Variants in STK39 observed in about 807,000 individuals in gnomAD.
STK39 encodes serine/threonine kinase 39, also known as STE20/SPS1-related proline-alanine-rich protein kinase.
STK39 carries 20 observed loss-of-function variants against 77.8 expected under a neutral mutation model. The observed-to-expected ratio is 0.26, with a 90% CI of 0.18 to 0.37. The LOEUF is 0.37. Among genes scored for constraint, STK39 ranks in the 10% least tolerant of loss-of-function variants. The pLI, the probability that STK39 is intolerant of heterozygous loss-of-function variation, is 1.00. For missense variants in STK39, 479 were observed against 656.5 expected (o/e 0.73, Z 2.95); for synonymous variants, 246 against 234.1 (o/e 1.05, Z -0.47).
At chr2:168,088,689 T>C (rs1298194148) in intron 10 of STK39, among the ~76,000 whole-genome samples, 2 of 152,176 alleles carry the variant, frequency 1.3e-5, no homozygotes, top group Non-Finnish European at 2.9e-5. Flanking sequence ...TCCACCACTG[T>C]GTAAAAGAAA....
intron 5 of STK39, among the ~76,000 whole-genome samples, chr2:168,145,764 G>A (rs1451282271): frequency 2.6e-5 from 4 of 152,182 alleles, no homozygotes; most frequent in Non-Finnish European, 5.9e-5. Context: ...AATGTCCAGT[G>A]CTGGGGGGGT....
intron 1 of STK39, among the ~76,000 whole-genome samples, chr2:168,239,076 G>T (rs1554239): frequency 0.74 from 112,978 of 152,026 alleles, 43,626 homozygotes; most frequent in Non-Finnish European, 0.86. Flanking sequence ...TCCCTTATAA[G>T]TTATAAAAAT....
At position 168,040,376 on chromosome 2, in the gene STK39, G is replaced by A. The variant is rs148802551; in HGVS notation, c.1376+23124C>T. The stretch of plus-strand genomic sequence containing the variant: ...AATATAAACCCTTAAGTTGAAAAGC[G>A]TCATAGCAGATAAATCACAAAAATT... On this transcript the variant is annotated intron_variant, in intron 14 of 17. Transcript: ENST00000355999. Among the ~76,000 whole-genome samples the A allele has an allele frequency of 6.6e-4, 100 of 152,270 alleles. 3 individuals carry two copies. In the East Asian group the frequency reaches 8.7e-3, roughly 13 times the overall value.
intron 5 of STK39, among the ~76,000 whole-genome samples, chr2:168,160,469 T>TAGCAACAGCAATAGC (rs1559126344): frequency 6.6e-6 from 1 of 151,806 alleles, no homozygotes; most frequent in Non-Finnish European, 1.5e-5. Context: ...GTAGTAATAG[T>TAGCAACAGCAATAGC]AGCAACAGCA....
At chr2:167,970,676 A>G (rs1295080729) in intron 16 of STK39, among the ~76,000 whole-genome samples, 1 of 152,188 alleles carries the variant, frequency 6.6e-6, no homozygotes, top group Non-Finnish European at 1.5e-5. Context: ...GTCCTTGTGG[A>G]TGAACTGCAA....
At chr2:168,120,566 T>C (rs1352729152) in intron 10 of STK39, among the ~76,000 whole-genome samples, 5 of 152,154 alleles carry the variant, frequency 3.3e-5, no homozygotes, top group Admixed American at 3.3e-4. Context: ...GCAGCAGAAA[T>C]GGGAACAGCA....
chr2:168,233,183 C>G (rs1690505260), intron 1 of STK39, among the ~76,000 whole-genome samples: 1 of 152,142 alleles, frequency 6.6e-6, no homozygotes, highest in Non-Finnish European at 1.5e-5. Flanking sequence ...TTCCCTAGTC[C>G]TATTTCAGCC....
At chr2:167,972,175 A>T (rs1176919015) in intron 16 of STK39, among the ~76,000 whole-genome samples, 1 of 152,240 alleles carries the variant, frequency 6.6e-6, no homozygotes, top group Non-Finnish European at 1.5e-5. Flanking sequence ...CAAAAGGGTA[A>T]GAATTTCTTA....
intron 1 of STK39, among the ~76,000 whole-genome samples, chr2:168,197,063 T>A (rs1357804741): frequency 6.6e-6 from 1 of 152,146 alleles, no homozygotes; most frequent in African/African-American, 2.4e-5. Flanking sequence ...GGCTGCTATG[T>A]GTAGATAAGA....
At chr2:168,170,213 A>T (rs6433039) in intron 2 of STK39, among the ~76,000 whole-genome samples, 3 of 151,714 alleles carry the variant, frequency 2.0e-5, no homozygotes, top group South Asian at 4.1e-4. Context: ...GTTATTTGAA[A>T]GCTCCCTTGG....
At chr2:168,231,495 C>A (rs529889245) in intron 1 of STK39, among the ~76,000 whole-genome samples, 1 of 151,900 alleles carries the variant, frequency 6.6e-6, no homozygotes, top group Non-Finnish European at 1.5e-5. Flanking sequence ...TCCCACCACA[C>A]ACCGAAGGTT....
intron 16 of STK39, among the ~76,000 whole-genome samples, chr2:167,972,969 G>T (rs1692391013): frequency 6.6e-6 from 1 of 152,094 alleles, no homozygotes; most frequent in Admixed American, 6.6e-5. Context: ...CCTAGAAACT[G>T]CATGCTTTCC....
chr2:168,091,582 GCAGAAAGAC>G (rs1270926555), intron 10 of STK39, among the ~76,000 whole-genome samples: 5 of 152,352 alleles, frequency 3.3e-5, no homozygotes, highest in African/African-American at 1.2e-4. Context: ...CACCCTATGT[GCAGAAAGAC>G]TGACAGGTGT....
At chr2:168,174,904 T>C (rs1688919014) in intron 2 of STK39, among the ~76,000 whole-genome samples, 1 of 150,902 alleles carries the variant, frequency 6.6e-6, no homozygotes, top group African/African-American at 2.4e-5. Flanking sequence ...GTCAGCCAAA[T>C]TGTACTGCTG....
At chr2:168,225,852 C>G (rs930867243) in intron 1 of STK39, among the ~76,000 whole-genome samples, 1 of 152,150 alleles carries the variant, frequency 6.6e-6, no homozygotes, top group African/African-American at 2.4e-5. Context: ...ACTTCCGATG[C>G]TACACCCTTC....
intron 5 of STK39, among the ~76,000 whole-genome samples, chr2:168,158,636 A>C (rs1688494440): frequency 6.6e-6 from 1 of 152,194 alleles, no homozygotes; most frequent in Non-Finnish European, 1.5e-5. Context: ...TTCTAGAGTC[A>C]GACTGTCCAA....
intron 2 of STK39, among the ~76,000 whole-genome samples, chr2:168,176,894 T>C (rs1002286725): frequency 6.6e-6 from 1 of 152,222 alleles, no homozygotes; most frequent in Non-Finnish European, 1.5e-5. Context: ...AATTAGTATT[T>C]TTATTTAAGT....
intron 1 of STK39, among the ~76,000 whole-genome samples, chr2:168,233,652 A>T (rs1361367846): frequency 1.3e-5 from 2 of 152,224 alleles, no homozygotes; most frequent in Non-Finnish European, 2.9e-5. Context: ...CTATGATTCA[A>T]ATTCACCGTT....
At chr2:168,207,982 G>A (rs1457761361) in intron 1 of STK39, among the ~76,000 whole-genome samples, 1 of 152,150 alleles carries the variant, frequency 6.6e-6, no homozygotes, top group East Asian at 1.9e-4. Context: ...GATCAGAGAG[G>A]AAGAACCAAG....
Sources: allele counts gnomAD v4.1 joint callset (sites outside exome capture counted in the v4.1 genomes callset), GRCh38; gene constraint gnomAD v4.1.1; transcripts MANE v1.5; gene names NCBI Gene and HGNC (gene_info 2026-07-23, HGNC 2026-07-21).